Variants in ZNF670 observed in about 807,000 individuals in gnomAD.
ZNF670 encodes the protein zinc finger protein 670.
Under a neutral mutation model 10.9 loss-of-function variants are expected in ZNF670, and 7 were observed. That is an observed-to-expected ratio of 0.64 (90% CI 0.36 to 1.20). The LOEUF (loss-of-function observed/expected upper bound fraction) is 1.20. Among genes scored for constraint, ZNF670 ranks in the 50% most tolerant of loss-of-function variants. ZNF670 has a pLI of 0.02. For missense variants in ZNF670, 446 were observed against 458.6 expected (o/e 0.97, Z 0.25); for synonymous variants, 136 against 152.7 (o/e 0.89, Z 0.81).
chr1:247,062,949 C>T (rs916706779), intron 1 of ZNF670, among the ~76,000 whole-genome samples: 1 of 152,162 alleles, frequency 6.6e-6, no homozygotes, highest in Admixed American at 6.5e-5. Context: ...AACCCAGGAC[C>T]AGGAAAAGGC....
At chr1:247,063,071 T>C (rs1670894814) in intron 1 of ZNF670, among the ~76,000 whole-genome samples, 1 of 152,204 alleles carries the variant, frequency 6.6e-6, no homozygotes, top group Non-Finnish European at 1.5e-5. Context: ...AGGAGAGTCA[T>C]GAAGATTTTA....
At chr1:247,074,890 A>T (rs1671218343) in intron 1 of ZNF670, among the ~76,000 whole-genome samples, 1 of 152,170 alleles carries the variant, frequency 6.6e-6, no homozygotes, top group African/African-American at 2.4e-5. Context: ...CCCCTGCTTT[A>T]TTGAATAATG....
In ZNF670 at chr1:247,037,331, G is replaced by T; in HGVS notation, c.*118C>A. 8.0e-7 allele frequency: 1 copy of T among 1,248,704 alleles called. No individual in the cohort carries two copies. The highest frequency in any genetic ancestry group is 1.1e-6 in the Non-Finnish European group (1 of 924,904). 77.4% of individuals were successfully genotyped at this position (1,248,704 alleles called of 1,614,324 possible). A position where few individuals can be genotyped will look rare whatever the true frequency, so the allele number is the denominator to read the frequency against. ...ATACATTCTAATCTTCCTTACATGT[G>T]TTGGGTTTCTCTCTAATTTGAGTTT... On this transcript the variant is annotated 3_prime_UTR_variant, in exon 4 of 4. Coordinates refer to ENST00000366503, the MANE Select transcript of ZNF670 (RefSeq NM_033213.5).
intron 1 of ZNF670, among the ~76,000 whole-genome samples, chr1:247,040,077 T>C (rs1401156266): frequency 6.6e-6 from 1 of 152,248 alleles, no homozygotes; most frequent in African/African-American, 2.4e-5. Flanking sequence ...TCTGAAAGCC[T>C]ACTACTTTAC....
intron 1 of ZNF670, among the ~76,000 whole-genome samples, chr1:247,076,914 G>A (rs7530355): frequency 0.023 from 3,480 of 152,278 alleles, 142 homozygotes; most frequent in African/African-American, 0.077. Flanking sequence ...GCCTCCCTTG[G>A]CCTCCCAAAA....
intron 1 of ZNF670, among the ~76,000 whole-genome samples, chr1:247,051,941 G>C (rs191417313): frequency 6.9e-6 from 1 of 145,726 alleles, no homozygotes; most frequent in Admixed American, 6.8e-5. Flanking sequence ...AGTTGTGATT[G>C]TTTTTTATTG....
chr1:247,052,754 G>T (rs1048126377), intron 1 of ZNF670, among the ~76,000 whole-genome samples: 5 of 152,194 alleles, frequency 3.3e-5, no homozygotes, highest in Non-Finnish European at 7.3e-5. Context: ...ACTTTCAAGA[G>T]AGCATCAGCT....
intron 1 of ZNF670, among the ~76,000 whole-genome samples, chr1:247,074,063 C>A (rs768948806): frequency 8.5e-5 from 13 of 152,200 alleles, no homozygotes; most frequent in Non-Finnish European, 1.9e-4. Flanking sequence ...CAAAAACATT[C>A]TTTGTGTTCT....
chr1:247,041,990 A>C (rs1305949195), intron 1 of ZNF670, among the ~76,000 whole-genome samples: 2 of 152,254 alleles, frequency 1.3e-5, no homozygotes, highest in East Asian at 3.8e-4. Flanking sequence ...AACCATCAGA[A>C]AACTCTTAAT....
rs1361384208 is a variant in ZNF670 at position 247,072,806 on chromosome 1, A to G, written c.3+5788T>C. ...CTGTCTCAAAAAAAAAAGTGTGTGT[A>G]TATATATATATATATATATATATAT... On this transcript the variant is annotated intron_variant, in intron 1 of 3. Coordinates refer to ENST00000366503, the MANE Select transcript of ZNF670 (RefSeq NM_033213.5). Among the ~76,000 whole-genome samples, 108 of 33,210 alleles carry G rather than the reference A, an allele frequency of 3.3e-3. 1 individual carries two copies. Among genetic ancestry groups the G allele is most frequent in the African/African-American group, 0.029 (95 of 3,226 alleles). The allele number at this position is 33,210 out of a possible 152,430, so 21.8% of individuals were successfully genotyped here. A position where few individuals can be genotyped will look rare whatever the true frequency, so the allele number is the denominator to read the frequency against.
At chr1:247,047,454 C>G (rs1361272482) in intron 1 of ZNF670, among the ~76,000 whole-genome samples, 1 of 152,042 alleles carries the variant, frequency 6.6e-6, no homozygotes, top group Non-Finnish European at 1.5e-5. Flanking sequence ...AGCATAGATT[C>G]TCTATGTGGG....
chr1:247,057,951 C>G (rs1189372704), intron 1 of ZNF670, among the ~76,000 whole-genome samples: 2 of 152,028 alleles, frequency 1.3e-5, no homozygotes, highest in African/African-American at 4.8e-5. Flanking sequence ...TGATTACAGT[C>G]AAATATAACT....
chr1:247,078,107 G>A (rs955957489), intron 1 of ZNF670, among the ~76,000 whole-genome samples: 3 of 152,136 alleles, frequency 2.0e-5, no homozygotes, highest in African/African-American at 2.4e-5. Flanking sequence ...TTGCTTCCTC[G>A]GGTTCCTTAC....
chr1:247,063,339 T>C (rs1435187502), intron 1 of ZNF670, among the ~76,000 whole-genome samples: 14 of 152,064 alleles, frequency 9.2e-5, no homozygotes. Context: ...TTTGGGAGGC[T>C]GAGGCGGGCG....
Position 247,038,885 on chromosome 1 carries a change from C to T in ZNF670, c.131-15G>A. On this transcript the variant is annotated splice_polypyrimidine_tract_variant and intron_variant, in intron 2 of 3. Coordinates refer to ENST00000366503, the MANE Select transcript of ZNF670 (RefSeq NM_033213.5). ...TGATTTGTTTCCTAAAAGGTACAAC[C>T]ATAAGATTATTCAAATGATTAGAAA... The T allele has an allele frequency of 6.3e-7, 1 of 1,599,936 alleles. No homozygotes were observed. Among genetic ancestry groups the T allele is most frequent in the Non-Finnish European group, 8.5e-7 (1 of 1,169,728 alleles).
chr1:247,064,096 G>A (rs1441575370), intron 1 of ZNF670, among the ~76,000 whole-genome samples: 1 of 152,206 alleles, frequency 6.6e-6, no homozygotes, highest in Non-Finnish European at 1.5e-5. Flanking sequence ...TCCCCATCCT[G>A]CACACTCACC....
At chr1:247,064,213 G>A (rs1371345309) in intron 1 of ZNF670, among the ~76,000 whole-genome samples, 2 of 152,236 alleles carry the variant, frequency 1.3e-5, no homozygotes, top group Non-Finnish European at 2.9e-5. Flanking sequence ...TAGGGCAAGA[G>A]AAGATGCAGC....
chr1:247,041,568 G>A (rs960705569), intron 1 of ZNF670, among the ~76,000 whole-genome samples: 1 of 152,186 alleles, frequency 6.6e-6, no homozygotes, highest in Admixed American at 6.5e-5. Flanking sequence ...GGAAGGAGGA[G>A]TCAACTGATA....
Position 247,063,407 on chromosome 1 carries a change from C to T in ZNF670, c.3+15187G>A, listed in dbSNP as rs150314564. Among the ~76,000 whole-genome samples the T allele has an allele frequency of 3.6e-3, 543 of 151,912 alleles. 10 individuals carry two copies. Among genetic ancestry groups the T allele is most frequent in the Middle Eastern group, 0.034 (10 of 292 alleles). On this transcript the variant is annotated intron_variant, in intron 1 of 3. Transcript: ENST00000366503. ...GACCATCCTGGCTAACACGGTGAAA[C>T]CCCGTCTCTATTAAAAATACAAAAA...
Sources: allele counts gnomAD v4.1 joint callset (sites outside exome capture counted in the v4.1 genomes callset), GRCh38; gene constraint gnomAD v4.1.1; transcripts MANE v1.5; gene names NCBI Gene and HGNC (gene_info 2026-07-23, HGNC 2026-07-21).